Variants in GRAMD1B observed in about 807,000 individuals in gnomAD.
GRAMD1B encodes the protein protein Aster-B.
A neutral mutation model predicts 99.7 loss-of-function variants in GRAMD1B; 37 were observed. That is an observed-to-expected ratio of 0.37 (90% CI 0.29 to 0.49). The LOEUF is 0.49. Among genes scored for constraint, GRAMD1B ranks in the 20% least tolerant of loss-of-function variants. The pLI is 0.98. For synonymous variants in GRAMD1B, 427 were observed against 387.6 expected (o/e 1.10, Z -1.19); for missense variants, 888 against 1,009.2 (o/e 0.88, Z 1.63).
At chr11:123,496,654 TC>T (rs1939319205) in intron 2 of GRAMD1B, among the ~76,000 whole-genome samples, 1 of 151,614 alleles carries the variant, frequency 6.6e-6, no homozygotes, top group South Asian at 2.1e-4. Context: ...TTTTGTCGCC[TC>T]TAACTGTATT....
upstream of GRAMD1B, among the ~76,000 whole-genome samples, chr11:123,428,623 C>T (rs1379272691): frequency 6.6e-6 from 1 of 152,214 alleles, no homozygotes; most frequent in African/African-American, 2.4e-5. Context: ...TGACAAGTGT[C>T]ATTGCAGAGC....
intron 11 of GRAMD1B, chr11:123,607,680 T>A (rs1192142744): frequency 2.3e-5 from 1 of 43,732 alleles, no homozygotes; most frequent in Admixed American, 2.7e-4. Context: ...TGTGCAGTCA[T>A]AGGACTTGAC....
intron 2 of GRAMD1B, among the ~76,000 whole-genome samples, chr11:123,526,624 A>G (rs141948789): frequency 0.022 from 3,378 of 152,224 alleles, 47 homozygotes; most frequent in Non-Finnish European, 0.031. Context: ...TTCTCACGTC[A>G]GCTGCTTAGG....
intron 1 of GRAMD1B, among the ~76,000 whole-genome samples, chr11:123,415,593 T>A (rs1262998635): frequency 2.0e-5 from 3 of 151,996 alleles, no homozygotes; most frequent in Non-Finnish European, 1.5e-5. Flanking sequence ...TTTTTATCAT[T>A]AAGGTCTTTG....
intron 1 of GRAMD1B, among the ~76,000 whole-genome samples, chr11:123,462,627 A>G (rs1950478799): frequency 6.6e-6 from 1 of 152,222 alleles, no homozygotes; most frequent in Admixed American, 6.5e-5. Flanking sequence ...AGAATAAAGA[A>G]TTCAGGGACA....
intron 17 of GRAMD1B, 66 bp downstream of exon 17, chr11:123,614,901 C>T: frequency 1.1e-6 from 1 of 908,632 alleles, no homozygotes; most frequent in South Asian, 1.5e-5. Context: ...GTGCCCCAGC[C>T]CTCGTCTCTT....
Position 123,513,613 on chromosome 11 carries a change from C to CTTTCTTTCTTTCTTTCTTTCTTTCTTT in GRAMD1B, c.452+32720_452+32721insTTTCTTTCTTTCTTTCTTTCTTTCTTT, listed in dbSNP as rs1491409860. Among the ~76,000 whole-genome samples, 96 of 40,422 alleles carry CTTTCTTTCTTTCTTTCTTTCTTTCTTT rather than the reference C, an allele frequency of 2.4e-3. 1 individual carries two copies. Among genetic ancestry groups the CTTTCTTTCTTTCTTTCTTTCTTTCTTT allele is most frequent in the East Asian group, 6.4e-3 (13 of 2,036 alleles). The allele number at this position is 40,422 out of a possible 152,430, so 26.5% of individuals were successfully genotyped here. ...TCCTTCCTTCCTTCCTTCCTTCCTT[C>CTTTCTTTCTTTCTTTCTTTCTTTCTTT]CTTCCTTTCTTTCTTTCTTTCTTTC... On this transcript the variant is annotated intron_variant, in intron 2 of 19. Coordinates refer to ENST00000635736, the MANE Select transcript of GRAMD1B (RefSeq NM_001387025.1).
chr11:123,563,606 G>A (rs569015254), intron 2 of GRAMD1B, among the ~76,000 whole-genome samples: 73 of 151,912 alleles, frequency 4.8e-4, no homozygotes, highest in African/African-American at 1.7e-3. Context: ...CTGTCTCCAG[G>A]GCTCAAGCAA....
chr11:123,597,957 G>A (rs2136650364), intron 7 of GRAMD1B: 2 of 1,176,272 alleles, frequency 1.7e-6, no homozygotes, highest in African/African-American at 1.5e-5. Context: ...AGCAGTCCTT[G>A]TTTTTTCAGA....
intron 4 of GRAMD1B, among the ~76,000 whole-genome samples, chr11:123,588,288 C>T (rs564220797): frequency 3.9e-5 from 6 of 152,162 alleles, no homozygotes; most frequent in African/African-American, 9.6e-5. Context: ...TGGTGTTTGC[C>T]GTAGAGTTAA....
chr11:123,552,270 TTTC>T (rs1172252024), intron 2 of GRAMD1B, among the ~76,000 whole-genome samples: 1 of 86,890 alleles, frequency 1.2e-5, no homozygotes, highest in East Asian at 2.7e-4. Flanking sequence ...CTTCTCTTTC[TTTC>T]TTTTTTTTTT....
At chr11:123,484,120 G>A (rs1478142124) in intron 2 of GRAMD1B, among the ~76,000 whole-genome samples, 3 of 152,284 alleles carry the variant, frequency 2.0e-5, no homozygotes, top group East Asian at 1.9e-4. Context: ...CACAGAGGTC[G>A]CCCAGCACAG....
chr11:123,488,581 G>A (rs1938154542), intron 2 of GRAMD1B, among the ~76,000 whole-genome samples: 1 of 152,214 alleles, frequency 6.6e-6, no homozygotes, highest in Admixed American at 6.5e-5. Context: ...AGGCCATGGG[G>A]GTGATGACGT....
chr11:123,469,482 TG>T (rs1241053472), intron 1 of GRAMD1B, among the ~76,000 whole-genome samples: 1 of 152,126 alleles, frequency 6.6e-6, no homozygotes, highest in East Asian at 1.9e-4. Flanking sequence ...AAGTAAGGTC[TG>T]TAGGACTTGG....
intron 2 of GRAMD1B, among the ~76,000 whole-genome samples, chr11:123,569,965 C>G (rs562329077): frequency 3.2e-4 from 48 of 152,348 alleles, no homozygotes; most frequent in Admixed American, 1.5e-3. Flanking sequence ...GTCTCCATGT[C>G]AGATTCTTCC....
intron 1 of GRAMD1B, among the ~76,000 whole-genome samples, chr11:123,373,102 G>A (rs1160942116): frequency 6.6e-6 from 1 of 152,104 alleles, no homozygotes; most frequent in African/African-American, 2.4e-5. Context: ...TCGTGCCACT[G>A]CAATCCAGCC....
intron 15 of GRAMD1B, 58 bp from the exon 16 acceptor site, chr11:123,613,395 CAG>C: frequency 1.6e-6 from 2 of 1,221,174 alleles, no homozygotes; most frequent in Non-Finnish European, 1.2e-6. Context: ...AATGGTTCTG[CAG>C]AGAGTTGCAT....
rs531490633 is a variant in GRAMD1B, at chr11:123,594,149, C to G, written c.752C>G (p.Thr251Arg). 6.2e-7 allele frequency: 1 copy of G among 1,611,564 alleles called. No individual in the cohort carries two copies. The highest frequency in any genetic ancestry group is 8.5e-7 in the Non-Finnish European group (1 of 1,177,740). Residue 251 changes from threonine to arginine, a missense_variant, in exon 5 of 20, where the codon ACG becomes AGG. By Grantham distance (71) the Thr-to-Arg change is moderately conservative. Coordinates refer to ENST00000635736, the MANE Select transcript of GRAMD1B (RefSeq NM_001387025.1). Reference protein sequence around the residue: ...FRKLFKQLPDTERLIVDYSCA... With the variant: ...FRKLFKQLPDRERLIVDYSCA... ...AAGCTCTTTAAGCAGCTTCCAGACA[C>G]GGAGCGCCTCATTGTTGGTGAGTTG...
At chr11:123,606,187 A>G (rs981807155) in intron 10 of GRAMD1B, among the ~76,000 whole-genome samples, 3 of 152,244 alleles carry the variant, frequency 2.0e-5, no homozygotes, top group African/African-American at 7.2e-5. Flanking sequence ...TTTAAAATGT[A>G]AAGAGTTGTA....
Sources: allele counts gnomAD v4.1 joint callset (sites outside exome capture counted in the v4.1 genomes callset), GRCh38; gene constraint gnomAD v4.1.1; transcripts MANE v1.5; gene names NCBI Gene and HGNC (gene_info 2026-07-23, HGNC 2026-07-21).